Variants in VIPR1 observed in about 807,000 individuals in gnomAD.
The protein encoded by VIPR1 is vasoactive intestinal polypeptide receptor 1.
VIPR1 carries 59 observed loss-of-function variants against 58.8 expected under a neutral mutation model. The ratio of observed to expected loss-of-function variants is 1.00; its 90% CI spans 0.81 to 1.25. The LOEUF (loss-of-function observed/expected upper bound fraction) is 1.25, where lower values mean the gene tolerates loss of function less well. Ranked by LOEUF, VIPR1 falls within the 50% of genes most tolerant of loss-of-function variation. The probability of loss-of-function intolerance (pLI) is 0.00; values close to 1 mark genes in which losing one functional copy is unlikely to be tolerated. For synonymous variants in VIPR1, 251 were observed against 242.1 expected (o/e 1.04, Z -0.34); for missense variants, 626 against 602.7 (o/e 1.04, Z -0.40).
At chr3:42,505,352 G>A (rs1700070453) in intron 1 of VIPR1, among the ~76,000 whole-genome samples, 1 of 152,244 alleles carries the variant, frequency 6.6e-6, no homozygotes, top group South Asian at 2.1e-4. Flanking sequence ...GAGTCCCAGG[G>A]ACTGGGAGAG....
intron 12 of VIPR1, 35 bp downstream of exon 12, chr3:42,535,419 G>A: frequency 6.2e-7 from 1 of 1,606,926 alleles, no homozygotes; most frequent in African/African-American, 1.3e-5. Flanking sequence ...CTTAGGCAAT[G>A]GAACTCCCAG....
chr3:42,526,859 G>A (rs185616092), intron 4 of VIPR1, among the ~76,000 whole-genome samples: 224 of 152,232 alleles, frequency 1.5e-3, no homozygotes, highest in African/African-American at 4.7e-3. Flanking sequence ...CTCCTCCACC[G>A]GAAAGGCCAG....
chr3:42,523,184 G>A (rs1253983619), intron 3 of VIPR1, among the ~76,000 whole-genome samples: 6 of 151,818 alleles, frequency 4.0e-5, no homozygotes, highest in Non-Finnish European at 8.8e-5. Flanking sequence ...TGGGCCTGCC[G>A]GTTTCCAGGC....
intron 4 of VIPR1, 147 bp downstream of exon 4, chr3:42,526,140 C>T (rs1017550766): frequency 7.7e-6 from 6 of 775,914 alleles, no homozygotes; most frequent in Middle Eastern, 2.7e-4. Flanking sequence ...TCCAGGCCTG[C>T]CTTTCTGGGG....
chr3:42,535,650 T>G (rs1348311380), intron 12 of VIPR1, among the ~76,000 whole-genome samples: 1 of 152,170 alleles, frequency 6.6e-6, no homozygotes, highest in Non-Finnish European at 1.5e-5. Flanking sequence ...CCCAGGGGGA[T>G]TCCTGTGCAC....
chr3:42,499,600 C>G (rs1381872734), upstream of VIPR1, among the ~76,000 whole-genome samples: 1 of 152,156 alleles, frequency 6.6e-6, no homozygotes, highest in Non-Finnish European at 1.5e-5. Flanking sequence ...GGAATCCATG[C>G]AAGAAGGACA....
At chr3:42,513,398 A>G in intron 1 of VIPR1, 1 of 224,288 alleles carries the variant, frequency 4.5e-6, no homozygotes, top group East Asian at 1.1e-4. Flanking sequence ...AGACTCTCAA[A>G]CCAAGCTGGA....
intron 1 of VIPR1, among the ~76,000 whole-genome samples, chr3:42,495,864 AC>A (rs1211857173): frequency 6.6e-6 from 1 of 151,958 alleles, no homozygotes; most frequent in Non-Finnish European, 1.5e-5. Flanking sequence ...AAACTGAACA[AC>A]CTGACTGAAC....
Position 42,535,075 on chromosome 3 carries a change from G to A in VIPR1, c.1111G>A (p.Val371Ile), listed in dbSNP as rs980626737. The A allele has an allele frequency of 2.5e-6, 4 of 1,614,110 alleles. No individual in the cohort carries two copies. Among genetic ancestry groups the A allele is most frequent in the African/African-American group, 2.7e-5 (2 of 74,940 alleles). ...PDNFKPEVKM[V>I]FELVVGSFQG... Reference sequence around the variant, plus strand: ...CAATTTTAAGCCTGAAGTGAAGATGGTCTTTGAGCTCGTCGTGGGGTCTTT... The same window carrying A: ...CAATTTTAAGCCTGAAGTGAAGATGATCTTTGAGCTCGTCGTGGGGTCTTT... Residue 371 changes from valine to isoleucine, a missense_variant, in exon 11 of 13, where the codon GTC becomes ATC. Coordinates refer to ENST00000325123, the MANE Select transcript of VIPR1 (RefSeq NM_004624.4).
intron 2 of VIPR1, 23 bp downstream of exon 2, chr3:42,513,877 G>T (rs1461732949): frequency 6.5e-7 from 1 of 1,549,426 alleles, no homozygotes; most frequent in African/African-American, 1.4e-5. Context: ...TGGGCAGAGA[G>T]GGGCTGCATG....
chr3:42,529,669 TG>T (rs1419880694), intron 6 of VIPR1: 1 of 152,032 alleles, frequency 6.6e-6, no homozygotes, highest in Non-Finnish European at 1.5e-5. Flanking sequence ...ACCAATGTTT[TG>T]GGTACAGGGG....
intron 12 of VIPR1, among the ~76,000 whole-genome samples, chr3:42,535,762 T>C (rs551719308): frequency 8.5e-5 from 13 of 152,114 alleles, no homozygotes; most frequent in African/African-American, 3.1e-4. Context: ...TCTGGTTACA[T>C]TGCACAAAAA....
rs189427166 is a variant in VIPR1, at chr3:42,514,050, C to A, written c.184+196C>A. On this transcript the variant is annotated intron_variant, in intron 2 of 12. Transcript: ENST00000325123. ...ACCCCAGGTCTGGGGAGCTCCCAGC[C>A]GCAGCTAAGGAGGACATACTAAATT... Among the ~76,000 whole-genome samples the A allele has an allele frequency of 2.1e-3, 317 of 152,250 alleles. 3 individuals carry two copies. The highest frequency in any genetic ancestry group is 7.0e-3 in the African/African-American group (291 of 41,550).
chr3:42,489,893 C>T (rs1430876247), intron 1 of VIPR1, among the ~76,000 whole-genome samples: 1 of 152,200 alleles, frequency 6.6e-6, no homozygotes, highest in Non-Finnish European at 1.5e-5. Flanking sequence ...TCTACCTTCT[C>T]TCCACTCTCC....
At chr3:42,498,765 G>A (rs902935204), upstream of VIPR1, among the ~76,000 whole-genome samples, 7 of 152,172 alleles carry the variant, frequency 4.6e-5, no homozygotes, top group African/African-American at 1.7e-4. Flanking sequence ...GCAGAGGACA[G>A]CCCATGTCTA....
intron 1 of VIPR1, among the ~76,000 whole-genome samples, chr3:42,493,068 T>C (rs895387068): frequency 1.3e-5 from 2 of 152,230 alleles, no homozygotes; most frequent in Non-Finnish European, 2.9e-5. Flanking sequence ...AATGAGAGTA[T>C]AAAGCCAAAA....
intron 1 of VIPR1, among the ~76,000 whole-genome samples, chr3:42,495,113 G>GT (rs960164300): frequency 1.3e-5 from 2 of 151,090 alleles, no homozygotes; most frequent in African/African-American, 4.9e-5. Context: ...ATTTGCTGTA[G>GT]TTTTTTAACA....
At chr3:42,513,515 A>T in intron 1 of VIPR1, 2 of 505,000 alleles carry the variant, frequency 4.0e-6, no homozygotes. Context: ...CAGCTGCAGC[A>T]CTAATGGGGG....
At chr3:42,499,690 G>A (rs1243047178), upstream of VIPR1, among the ~76,000 whole-genome samples, 1 of 152,138 alleles carries the variant, frequency 6.6e-6, no homozygotes, top group Non-Finnish European at 1.5e-5. Context: ...CTCCAGAGGG[G>A]CTTAGGCTTT....
Sources: allele counts gnomAD v4.1 joint callset (sites outside exome capture counted in the v4.1 genomes callset), GRCh38; gene constraint gnomAD v4.1.1; transcripts MANE v1.5; gene names NCBI Gene and HGNC (gene_info 2026-07-23, HGNC 2026-07-21).